KCNMA1: variants seen among roughly 807,000 people sequenced by gnomAD.
KCNMA1 encodes potassium calcium-activated channel subfamily M alpha 1.
Under a neutral mutation model 140.0 loss-of-function variants are expected in KCNMA1, and 29 were observed. That is an observed-to-expected ratio of 0.21 (90% CI 0.15 to 0.28). KCNMA1 has a LOEUF of 0.28. Among genes scored for constraint, KCNMA1 ranks in the 10% least tolerant of loss-of-function variants. The probability of loss-of-function intolerance (pLI) is 1.00; values close to 1 mark genes in which losing one functional copy is unlikely to be tolerated. For synonymous variants in KCNMA1, 612 were observed against 611.9 expected (o/e 1.00, Z 0.00); for missense variants, 880 against 1,602.2 (o/e 0.55, Z 7.70).
At chr10:77,063,711 T>C (rs1415973589) in intron 14 of KCNMA1, 8 of 983,708 alleles carry the variant, frequency 8.1e-6, no homozygotes, top group African/African-American at 5.2e-5. Flanking sequence ...ATGGCTTACA[T>C]AGGACTTTGC....
chr10:77,400,975 C>A (rs2096245083), intron 2 of KCNMA1, among the ~76,000 whole-genome samples: 2 of 151,666 alleles, frequency 1.3e-5, no homozygotes, highest in African/African-American at 2.4e-5. Flanking sequence ...CGTGCCCCAC[C>A]AGGACCACAT....
chr10:77,180,993 T>A (rs929777980), intron 5 of KCNMA1, among the ~76,000 whole-genome samples: 30 of 152,228 alleles, frequency 2.0e-4, no homozygotes, highest in African/African-American at 6.7e-4. Context: ...CTAAAATGCT[T>A]CAGGGAACGT....
chr10:76,893,906 A>T (rs996152592), intron 25 of KCNMA1, among the ~76,000 whole-genome samples: 2 of 152,202 alleles, frequency 1.3e-5, no homozygotes, highest in Admixed American at 6.5e-5. Flanking sequence ...AAGATGGAAT[A>T]CTACCTTAAT....
intron 9 of KCNMA1, among the ~76,000 whole-genome samples, chr10:77,103,518 G>T (rs2097141863): frequency 6.6e-6 from 1 of 152,202 alleles, no homozygotes; most frequent in Admixed American, 6.5e-5. Context: ...GGTATAGAAG[G>T]CTCTGCAGGT....
chr10:77,552,062 T>C (rs2154557173), intron 1 of KCNMA1, among the ~76,000 whole-genome samples: 1 of 152,268 alleles, frequency 6.6e-6, no homozygotes, highest in South Asian at 2.1e-4. Context: ...TAATCTGCAA[T>C]TTCCAGGCAT....
chr10:77,203,895 G>A (rs967551917), intron 3 of KCNMA1, among the ~76,000 whole-genome samples: 1 of 151,964 alleles, frequency 6.6e-6, no homozygotes, highest in African/African-American at 2.4e-5. Flanking sequence ...TCAGGAATCC[G>A]AGACCAGTCT....
chr10:77,277,352 T>C (rs929126583), intron 2 of KCNMA1, among the ~76,000 whole-genome samples: 1 of 152,190 alleles, frequency 6.6e-6, no homozygotes, highest in Non-Finnish European at 1.5e-5. Flanking sequence ...TGCACCATGA[T>C]AGCTTTTCCA....
At chr10:77,414,758 G>C (rs2096701565) in intron 1 of KCNMA1, among the ~76,000 whole-genome samples, 1 of 152,140 alleles carries the variant, frequency 6.6e-6, no homozygotes, top group Non-Finnish European at 1.5e-5. Flanking sequence ...CCAAAGTGCT[G>C]GGATTACAGG....
intron 20 of KCNMA1, among the ~76,000 whole-genome samples, chr10:76,962,539 G>C (rs1368539236): frequency 6.6e-6 from 1 of 152,180 alleles, no homozygotes; most frequent in Non-Finnish European, 1.5e-5. Context: ...AAGGCACCAT[G>C]ATGGGGCTAA....
intron 1 of KCNMA1, among the ~76,000 whole-genome samples, chr10:77,405,353 T>C (rs906206454): frequency 6.6e-6 from 1 of 152,244 alleles, no homozygotes; most frequent in East Asian, 1.9e-4. Flanking sequence ...ACTGTCTGCC[T>C]TCCCCACTGC....
chr10:77,521,725 G>A (rs567978854), intron 1 of KCNMA1, among the ~76,000 whole-genome samples: 3 of 152,020 alleles, frequency 2.0e-5, no homozygotes, highest in Non-Finnish European at 4.4e-5. Flanking sequence ...TTCTCCATCT[G>A]GTCCCTTGAG....
chr10:77,342,682 T>C (rs2091228245), intron 2 of KCNMA1, among the ~76,000 whole-genome samples: 1 of 152,216 alleles, frequency 6.6e-6, no homozygotes, highest in Admixed American at 6.5e-5. Context: ...CATGCCTGCT[T>C]GCAAACTACA....
At chr10:77,036,139 C>T (rs1426611880) in intron 15 of KCNMA1, among the ~76,000 whole-genome samples, 2 of 152,202 alleles carry the variant, frequency 1.3e-5, no homozygotes, top group Non-Finnish European at 2.9e-5. Flanking sequence ...CTGGATGCTT[C>T]CTGCCCTTGA....
intron 1 of KCNMA1, among the ~76,000 whole-genome samples, chr10:77,422,987 G>A (rs977464622): frequency 1.3e-5 from 2 of 152,212 alleles, no homozygotes; most frequent in Non-Finnish European, 2.9e-5. Context: ...TCTAGTCCAA[G>A]GACAGATAAA....
chr10:76,885,095 G>C lies in KCNMA1; in HGVS notation c.*2171C>G. On this transcript the variant is annotated 3_prime_UTR_variant, in exon 28 of 28. Transcript: ENST00000286628. ...TATTTCCTGTTGAGCACTTTAACTG[G>C]CACATTCTTATAGTTATAAATGTTC... is the stretch of plus-strand genomic sequence containing the variant. 1 of 1,532,534 alleles carries C rather than the reference G, an allele frequency of 6.5e-7. No individual in the cohort carries two copies. Among genetic ancestry groups the C allele is most frequent in the Non-Finnish European group, 8.8e-7 (1 of 1,138,468 alleles). The allele number at this position is 1,532,534 out of a possible 1,614,324, so 94.9% of individuals were successfully genotyped here.
At chr10:76,893,706 C>A (rs559854172) in intron 25 of KCNMA1, among the ~76,000 whole-genome samples, 1 of 152,200 alleles carries the variant, frequency 6.6e-6, no homozygotes, top group South Asian at 2.1e-4. Context: ...TGCCACTGCA[C>A]CCCAGCCTGG....
chr10:77,367,863 G>T (rs891640821), intron 2 of KCNMA1, among the ~76,000 whole-genome samples: 1 of 152,172 alleles, frequency 6.6e-6, no homozygotes, highest in African/African-American at 2.4e-5. Flanking sequence ...ATTCATCCAA[G>T]TTGTTGCTTT....
intron 2 of KCNMA1, among the ~76,000 whole-genome samples, chr10:77,328,852 T>C (rs918541864): frequency 6.6e-5 from 10 of 152,082 alleles, no homozygotes; most frequent in Admixed American, 5.9e-4. Context: ...TTTTATTTTG[T>C]TTTTTTAAGA....
At chr10:77,423,349 T>C (rs760449266) in intron 1 of KCNMA1, among the ~76,000 whole-genome samples, 2 of 152,194 alleles carry the variant, frequency 1.3e-5, no homozygotes, top group Non-Finnish European at 2.9e-5. Flanking sequence ...TCTCCTCTAG[T>C]TCTGAGCTAT....
Sources: allele counts gnomAD v4.1 joint callset (sites outside exome capture counted in the v4.1 genomes callset), GRCh38; gene constraint gnomAD v4.1.1; transcripts MANE v1.5; gene names NCBI Gene and HGNC (gene_info 2026-07-23, HGNC 2026-07-21).